Variants in RCN2 observed in about 807,000 individuals in gnomAD.
RCN2 encodes reticulocalbin-2.
Under a neutral mutation model 37.5 loss-of-function variants are expected in RCN2, and 23 were observed. The observed-to-expected ratio is 0.61, with a 90% confidence interval of 0.44 to 0.87. RCN2 has a LOEUF of 0.87. Ranked by LOEUF, RCN2 falls within the 40% of genes least tolerant of loss-of-function variation. RCN2 has a pLI of 0.00. For synonymous variants in RCN2, 140 were observed against 144.6 expected (o/e 0.97, Z 0.23); for missense variants, 381 against 390.4 (o/e 0.98, Z 0.20).
In RCN2 at chr15:76,932,360, G is replaced by A; in HGVS notation, c.145-1G>A. 1 of 1,611,624 alleles carries A rather than the reference G, an allele frequency of 6.2e-7. No individual in the cohort carries two copies. The highest frequency in any genetic ancestry group is 2.2e-5 in the East Asian group (1 of 44,852). ...CTCCTGTGTGTCGCTTCCCCCTAAA[G>A]GAAGATGTGGATGAATATGTTAAAC... On this transcript the variant is annotated splice_acceptor_variant, in intron 1 of 6. Transcript: ENST00000394885. LOFTEE classifies it high-confidence loss of function.
rs890313628 is a variant in RCN2, at chr15:76,953,313, C to G, written c.*4091C>G. On this transcript the variant is annotated 3_prime_UTR_variant, in exon 7 of 7. Coordinates refer to ENST00000394885, the MANE Select transcript of RCN2 (RefSeq NM_002902.3). ...AGTGGCTTCACTTAGCATAACGTCC[C>G]CAAAGTTCACCCATATTGTTACCAG... The G allele has an allele frequency of 4.6e-5, 7 of 151,884 alleles. No homozygotes were observed. The highest frequency in any genetic ancestry group is 8.8e-5 in the Non-Finnish European group (6 of 67,982). The allele number at this position is 151,884 out of a possible 1,614,324, so 9.4% of individuals were successfully genotyped here.
At position 76,953,591 on chromosome 15, in the gene RCN2, A is replaced by G. The variant is rs71398950; in HGVS notation, c.*4369A>G. ...TATATATATATATATATATATATATATATTTTTTTTTTTTTTTTTTTTTTT... is the reference window on the plus strand; with the variant it reads ...TATATATATATATATATATATATATGTATTTTTTTTTTTTTTTTTTTTTTT... On this transcript the variant is annotated 3_prime_UTR_variant, in exon 7 of 7. Transcript: ENST00000394885. 1 of 12,378 alleles carries G rather than the reference A, an allele frequency of 8.1e-5. No homozygotes were observed. The highest frequency in any genetic ancestry group is 1.5e-4 in the Non-Finnish European group (1 of 6,720). 0.8% of individuals were successfully genotyped at this position (12,378 alleles called of 1,614,324 possible).
At chr15:76,946,489 C>G (rs957794370) in intron 4 of RCN2, among the ~76,000 whole-genome samples, 1 of 151,948 alleles carries the variant, frequency 6.6e-6, no homozygotes, top group East Asian at 1.9e-4. Flanking sequence ...GAGTGGCTTA[C>G]GCCTGTAATC....
rs150352601 is a variant in RCN2 at position 76,938,875 on chromosome 15, T to C, written c.447+3153T>C. 2.3e-4 allele frequency: 98 copies of C among 433,884 alleles called. No homozygotes were observed. In the Middle Eastern group the frequency reaches 2.4e-3, roughly 11 times the overall value. 26.9% of individuals were successfully genotyped at this position (433,884 alleles called of 1,614,324 possible). ...TCATCTCCAAAAATGAGGATAATAATTCCCATTCAGGCCAGGTGTGGTGGC... is the reference window on the plus strand; with the variant it reads ...TCATCTCCAAAAATGAGGATAATAACTCCCATTCAGGCCAGGTGTGGTGGC... On this transcript the variant is annotated intron_variant, in intron 3 of 6. Coordinates refer to ENST00000394885, the MANE Select transcript of RCN2 (RefSeq NM_002902.3).
intron 6 of RCN2, 143 bp from the exon 7 acceptor site, chr15:76,948,927 A>G (rs1249521525): frequency 1.2e-5 from 9 of 759,352 alleles, no homozygotes; most frequent in Non-Finnish European, 1.9e-5. Flanking sequence ...GGACCTGGTT[A>G]CAACGTGTAA....
intron 4 of RCN2, among the ~76,000 whole-genome samples, chr15:76,944,338 T>C (rs964112136): frequency 2.0e-5 from 3 of 152,154 alleles, no homozygotes; most frequent in South Asian, 2.1e-4. Flanking sequence ...CAATGAGGTA[T>C]CCATCCCCTC....
intron 5 of RCN2, 53 bp from the exon 6 acceptor site, chr15:76,948,357 T>C (rs1568461941): frequency 2.3e-6 from 3 of 1,298,660 alleles, no homozygotes; most frequent in Non-Finnish European, 3.2e-6. Context: ...AAACTTCTTA[T>C]TGGATACATG....
intron 1 of RCN2, 57 bp downstream of exon 1, chr15:76,932,042 G>A: frequency 8.1e-7 from 1 of 1,236,524 alleles, no homozygotes; most frequent in Non-Finnish European, 1.0e-6. Context: ...GCTGCCGCGG[G>A]CTTTGTCCCG....
At chr15:76,939,631 C>A (rs1461411735) in intron 3 of RCN2, among the ~76,000 whole-genome samples, 3 of 152,080 alleles carry the variant, frequency 2.0e-5, no homozygotes, top group Non-Finnish European at 4.4e-5. Flanking sequence ...TATTAAGTAT[C>A]CCCATTTACT....
At chr15:76,944,568 A>C (rs1238389632) in intron 4 of RCN2, among the ~76,000 whole-genome samples, 1 of 152,044 alleles carries the variant, frequency 6.6e-6, no homozygotes, top group African/African-American at 2.4e-5. Flanking sequence ...GTCTATGTCC[A>C]TGAGTTCAAT....
rs908305545 is a variant in RCN2, at chr15:76,951,544, T to C, written c.*2322T>C. 4.6e-5 allele frequency: 7 copies of C among 152,186 alleles called. No homozygotes were observed. The highest frequency in any genetic ancestry group is 1.0e-4 in the Non-Finnish European group (7 of 68,028). The allele number at this position is 152,186 out of a possible 1,614,324, so 9.4% of individuals were successfully genotyped here. A position where few individuals can be genotyped will look rare whatever the true frequency, so the allele number is the denominator to read the frequency against. ...CCATCCTGCTGTGACTGAGTGAAGA[T>C]TTCACATTTAACAATAGGCTTTTAA... On this transcript the variant is annotated 3_prime_UTR_variant, in exon 7 of 7. Transcript: ENST00000394885.
chr15:76,946,317 A>G (rs920022769), intron 4 of RCN2, among the ~76,000 whole-genome samples: 1 of 152,126 alleles, frequency 6.6e-6, no homozygotes, highest in Admixed American at 6.6e-5. Flanking sequence ...GTGTGGTGGC[A>G]TGCACCTGTG....
intron 4 of RCN2, among the ~76,000 whole-genome samples, chr15:76,944,964 A>G (rs376202904): frequency 6.6e-6 from 1 of 152,226 alleles, no homozygotes; most frequent in East Asian, 1.9e-4. Flanking sequence ...ACTGTTCTCC[A>G]TAGTGGTTGT....
intron 4 of RCN2, 26 bp downstream of exon 4, chr15:76,943,897 A>G (rs1437288787): frequency 2.2e-6 from 3 of 1,335,446 alleles, no homozygotes; most frequent in African/African-American, 1.5e-5. Context: ...TTTTAAGAGA[A>G]TTATTGAGTG....
intron 3 of RCN2, among the ~76,000 whole-genome samples, chr15:76,937,668 A>G (rs909365628): frequency 2.0e-5 from 3 of 152,150 alleles, no homozygotes; most frequent in African/African-American, 7.2e-5. Context: ...TCAGCCTCCC[A>G]AAGTGCTAGG....
In RCN2 at chr15:76,953,522, A is replaced by G. The variant is rs1256198386; in HGVS notation, c.*4300A>G. ...TAGTTCTTTTGGATATATATTATACATAGAAGTGGGATTGCTGGATCATAT... is the reference window on the plus strand; with the variant it reads ...TAGTTCTTTTGGATATATATTATACGTAGAAGTGGGATTGCTGGATCATAT... On this transcript the variant is annotated 3_prime_UTR_variant, in exon 7 of 7. Transcript: ENST00000394885. 1 of 130,244 alleles carries G rather than the reference A, an allele frequency of 7.7e-6. No homozygotes were observed. Among genetic ancestry groups the G allele is most frequent in the African/African-American group, 2.9e-5 (1 of 34,002 alleles). 8.1% of individuals were successfully genotyped at this position (130,244 alleles called of 1,614,324 possible).
At chr15:76,932,007 T>C (rs1419689732) in intron 1 of RCN2, 22 bp downstream of exon 1, 3 of 1,249,182 alleles carry the variant, frequency 2.4e-6, no homozygotes, top group Non-Finnish European at 3.0e-6. Flanking sequence ...AGGCCGGTGC[T>C]GGGAGGGCCG....
In RCN2 at chr15:76,935,617, T is replaced by TG. The variant is rs1298837241; in HGVS notation, c.343dup (p.Asp115GlyfsTer7). On this transcript the variant is annotated frameshift_variant, in exon 3 of 7. Transcript: ENST00000394885. LOFTEE classifies it high-confidence loss of function. ...TTGTTGAATATGATAAAAACAGTGA[T>TG]GATACTGTGACTTGGGATGAATATA... The TG allele has an allele frequency of 6.2e-7, 1 of 1,612,534 alleles. No homozygotes were observed. The highest frequency in any genetic ancestry group is 8.5e-7 in the Non-Finnish European group (1 of 1,178,510).
chr15:76,941,672 T>C, intron 3 of RCN2: 1 of 1,506,684 alleles, frequency 6.6e-7, no homozygotes. Flanking sequence ...CTTTCTGTTT[T>C]TGGCTTCTTC....
Sources: gnomAD v4.1 joint callset for allele counts (sites outside exome capture counted in the v4.1 genomes callset) on GRCh38, gnomAD v4.1.1 for gene constraint, MANE v1.5 for transcripts, NCBI Gene and HGNC (gene_info 2026-07-23, HGNC 2026-07-21) for gene names.